Variants in PM20D2 observed in about 807,000 individuals in gnomAD.
PM20D2 encodes the protein xaa-Arg dipeptidase.
A neutral mutation model predicts 42.9 loss-of-function variants in PM20D2; 33 were observed. The observed-to-expected ratio is 0.77, with a 90% CI of 0.58 to 1.03. The LOEUF is 1.03. PM20D2 is among the 50% of genes least tolerant of loss of function. PM20D2 has a pLI of 0.00. For synonymous variants in PM20D2, 250 were observed against 228.2 expected, an observed-to-expected ratio of 1.10 and a Z score of -0.86; for missense variants, 548 against 557.0, an observed-to-expected ratio of 0.98 and a Z score of 0.16.
chr6:89,157,403 AT>A (rs1313128027), intron 4 of PM20D2, among the ~76,000 whole-genome samples: 1 of 150,682 alleles, frequency 6.6e-6, no homozygotes, highest in Non-Finnish European at 1.5e-5. Flanking sequence ...AATATTGCCA[AT>A]TTTTATTTAA....
chr6:89,112,642 C>A, the PM20D2 span, among the ~76,000 whole-genome samples: 1 of 151,722 alleles, frequency 6.6e-6, no homozygotes, highest in Non-Finnish European at 1.5e-5. Flanking sequence ...GAACTCCTGT[C>A]CTCAAGGGAT....
chr6:89,117,943 T>A, the PM20D2 span: 1 of 1,510,466 alleles, frequency 6.6e-7, no homozygotes, highest in East Asian at 2.9e-5. Flanking sequence ...TCGCTCCGTC[T>A]CCCGCTACCG....
intron 5 of PM20D2, among the ~76,000 whole-genome samples, chr6:89,160,891 G>A (rs1484433974): frequency 6.6e-6 from 1 of 152,174 alleles, no homozygotes; most frequent in Non-Finnish European, 1.5e-5. Flanking sequence ...CAAGGGTCCT[G>A]TGACAGGGAG....
At chr6:89,113,690 C>T in the PM20D2 span, among the ~76,000 whole-genome samples, 1 of 152,132 alleles carries the variant, frequency 6.6e-6, no homozygotes, top group Non-Finnish European at 1.5e-5. Context: ...ACTCTCACCC[C>T]CGGAGTGCAG....
chr6:89,140,604 G>A, the PM20D2 span, among the ~76,000 whole-genome samples: 1 of 152,158 alleles, frequency 6.6e-6, no homozygotes, highest in African/African-American at 2.4e-5. Context: ...AAGCCATAAC[G>A]GTAGGAGAGA....
At chr6:89,139,865 G>A in the PM20D2 span, among the ~76,000 whole-genome samples, 2 of 152,246 alleles carry the variant, frequency 1.3e-5, 1 homozygote, top group Admixed American at 1.3e-4. Flanking sequence ...TACAGTGCAA[G>A]GTATGATGTA....
At chr6:89,109,193 C>T in the PM20D2 span, among the ~76,000 whole-genome samples, 1 of 152,114 alleles carries the variant, frequency 6.6e-6, no homozygotes, top group Non-Finnish European at 1.5e-5. Context: ...GGCACCCCAA[C>T]CCGATGCATT....
chr6:89,119,073 C>T, the PM20D2 span, among the ~76,000 whole-genome samples: 1 of 152,138 alleles, frequency 6.6e-6, no homozygotes, highest in African/African-American at 2.4e-5. Context: ...TCGTGGTCAC[C>T]CTTCTAGCTC....
At chr6:89,106,885 T>C in the PM20D2 span, 1 of 489,304 alleles carries the variant, frequency 2.0e-6, no homozygotes, top group Non-Finnish European at 4.0e-6. Flanking sequence ...TTTATATCTG[T>C]GTCCACCCTC....
the PM20D2 span, among the ~76,000 whole-genome samples, chr6:89,094,624 C>T: frequency 0.012 from 1,859 of 152,148 alleles, 27 homozygotes; most frequent in Non-Finnish European, 0.015. Flanking sequence ...CTAGGGTATC[C>T]TCAATATCCT....
At chr6:89,110,673 C>A in the PM20D2 span, among the ~76,000 whole-genome samples, 1 of 152,130 alleles carries the variant, frequency 6.6e-6, no homozygotes, top group African/African-American at 2.4e-5. Context: ...TGTGAATCGG[C>A]CTTAGGTTCC....
At chr6:89,152,973 C>A in intron 2 of PM20D2, 70 bp from the exon 3 acceptor site, 1 of 1,324,052 alleles carries the variant, frequency 7.6e-7, no homozygotes. Flanking sequence ...TTGGGTAATT[C>A]TGACTACCTG....
At chr6:89,133,651 T>G in the PM20D2 span, among the ~76,000 whole-genome samples, 1 of 151,222 alleles carries the variant, frequency 6.6e-6, no homozygotes, top group Non-Finnish European at 1.5e-5. Context: ...ATACCCGGAA[T>G]GGCCCCTTAA....
chr6:89,134,728 G>A, the PM20D2 span, among the ~76,000 whole-genome samples: 1 of 151,282 alleles, frequency 6.6e-6, no homozygotes, highest in Non-Finnish European at 1.5e-5. Context: ...TACTCTCTCA[G>A]GTGGGGTTCC....
At chr6:89,094,188 T>C in the PM20D2 span, among the ~76,000 whole-genome samples, 1 of 151,914 alleles carries the variant, frequency 6.6e-6, no homozygotes. Flanking sequence ...ACCAAAGTGC[T>C]GGGATTACAG....
chr6:89,103,518 G>A, the PM20D2 span, among the ~76,000 whole-genome samples: 5 of 152,104 alleles, frequency 3.3e-5, no homozygotes, highest in East Asian at 3.9e-4. Context: ...TAGTAGACAC[G>A]GGGTTTCGCC....
upstream of PM20D2, among the ~76,000 whole-genome samples, chr6:89,141,961 G>A (rs962427815): frequency 1.0e-5 from 1 of 96,936 alleles, no homozygotes; most frequent in Non-Finnish European, 2.3e-5. Flanking sequence ...GTGCCACCAT[G>A]CTTGGCTTAT....
chr6:89,106,946 T>C, the PM20D2 span: 4 of 607,788 alleles, frequency 6.6e-6, no homozygotes, highest in Non-Finnish European at 1.2e-5. Context: ...TCTCGCCTGC[T>C]GGGTTTATGC....
chr6:89,101,264 A>G, the PM20D2 span, among the ~76,000 whole-genome samples: 1 of 152,262 alleles, frequency 6.6e-6, no homozygotes, highest in Admixed American at 6.5e-5. Context: ...GAAAGACTGA[A>G]TAAGGCAGAA....
Sources: gnomAD v4.1 joint callset for allele counts (sites outside exome capture counted in the v4.1 genomes callset) on GRCh38, gnomAD v4.1.1 for gene constraint, MANE v1.5 for transcripts, NCBI Gene and HGNC (gene_info 2026-07-23, HGNC 2026-07-21) for gene names.